PCDHA2: variants seen among roughly 807,000 people sequenced by gnomAD.
The protein encoded by PCDHA2 is protocadherin alpha-2.
A neutral mutation model predicts 66.0 loss-of-function variants in PCDHA2; 58 were observed. That is an observed-to-expected ratio of 0.88 (90% CI 0.71 to 1.09). The LOEUF (loss-of-function observed/expected upper bound fraction) is 1.09, where lower values mean the gene tolerates loss of function less well. Ranked by LOEUF, PCDHA2 falls within the 50% of genes least tolerant of loss-of-function variation. The pLI is 0.00. For synonymous variants in PCDHA2, 634 were observed against 554.0 expected (o/e 1.14, Z -2.03); for missense variants, 1,267 against 1,242.3 (o/e 1.02, Z -0.30).
intron 1 of PCDHA2, chr5:140,847,877 C>T (rs1305831915): frequency 6.7e-6 from 1 of 149,752 alleles, no homozygotes; most frequent in African/African-American, 2.4e-5. Flanking sequence ...CCAGACATGA[C>T]TAAGTTTCTT....
intron 1 of PCDHA2, chr5:140,803,527 C>T: frequency 6.2e-7 from 1 of 1,614,232 alleles, no homozygotes; most frequent in Non-Finnish European, 8.5e-7. Context: ...CCTAGCCTTC[C>T]TCCTTGTCCA....
Position 140,876,332 on chromosome 5 carries a change from T to C in PCDHA2, c.2388+78980T>C. On this transcript the variant is annotated intron_variant, in intron 1 of 3. Coordinates refer to ENST00000526136, the MANE Select transcript of PCDHA2 (RefSeq NM_018905.3). ...TATGGGATCAAAATGATTTTGCCAGTGAGTGAGAAATGTATGTTTTCAATA... is the reference window on the plus strand; with the variant it reads ...TATGGGATCAAAATGATTTTGCCAGCGAGTGAGAAATGTATGTTTTCAATA... 6.2e-7 allele frequency: 1 copy of C among 1,613,990 alleles called. No homozygotes were observed. Among genetic ancestry groups the C allele is most frequent in the Non-Finnish European group, 8.5e-7 (1 of 1,179,896 alleles).
chr5:140,988,622 ATGTCCTGGTTTTC>A (rs2097306090), intron 3 of PCDHA2, among the ~76,000 whole-genome samples: 1 of 152,124 alleles, frequency 6.6e-6, no homozygotes, highest in Non-Finnish European at 1.5e-5. Context: ...TAGAATGGAG[ATGTCCTGGTTTTC>A]TGAAATTAAA....
intron 1 of PCDHA2, chr5:140,857,268 T>C (rs1554149751): frequency 3.1e-6 from 5 of 1,598,704 alleles, no homozygotes; most frequent in Non-Finnish European, 3.4e-6. Flanking sequence ...TACTCATTGG[T>C]GCTGGACAGC....
intron 1 of PCDHA2, among the ~76,000 whole-genome samples, chr5:140,806,294 A>G (rs782082165): frequency 1.1e-4 from 16 of 152,232 alleles, no homozygotes; most frequent in Non-Finnish European, 2.2e-4. Context: ...TATAAGCACT[A>G]TAGGAGAAAA....
chr5:140,823,838 C>T (rs1767894388), intron 1 of PCDHA2: 2 of 1,613,824 alleles, frequency 1.2e-6, no homozygotes, highest in Middle Eastern at 1.7e-4. Flanking sequence ...GCTGTGGGTC[C>T]CGAGGCTGCC....
intron 1 of PCDHA2, among the ~76,000 whole-genome samples, chr5:140,938,344 G>A (rs569264531): frequency 6.6e-6 from 1 of 152,264 alleles, no homozygotes; most frequent in Non-Finnish European, 1.5e-5. Context: ...GGATAATCTT[G>A]TCTTATTCCT....
chr5:140,798,844 C>A (rs1452217854), intron 1 of PCDHA2, among the ~76,000 whole-genome samples: 1 of 152,178 alleles, frequency 6.6e-6, no homozygotes, highest in South Asian at 2.1e-4. Flanking sequence ...AATAAAATAA[C>A]TGTCTTAAAC....
At chr5:140,877,813 GAA>G in intron 1 of PCDHA2, 1 of 1,610,266 alleles carries the variant, frequency 6.2e-7, no homozygotes, top group Non-Finnish European at 8.5e-7. Flanking sequence ...GCTGTCTCGA[GAA>G]GATTGTTTAA....
At chr5:140,836,622 A>G in intron 1 of PCDHA2, 1 of 1,613,448 alleles carries the variant, frequency 6.2e-7, no homozygotes, top group Non-Finnish European at 8.5e-7. Flanking sequence ...CGCGGTGGGG[A>G]GCTGGTCATT....
intron 1 of PCDHA2, chr5:140,882,819 A>G: frequency 6.2e-7 from 1 of 1,614,244 alleles, no homozygotes; most frequent in Non-Finnish European, 8.5e-7. Flanking sequence ...GACGCACAAA[A>G]CAGTCTTGAG....
chr5:140,841,513 C>G (rs2150316967), intron 1 of PCDHA2: 142,793 of 1,613,040 alleles, frequency 0.089, 1,768 homozygotes, highest in Non-Finnish European at 0.097. Flanking sequence ...CGCGCCTGTT[C>G]CGGGTGGCGT....
At chr5:140,840,727 A>G (rs1199707180) in intron 1 of PCDHA2, among the ~76,000 whole-genome samples, 1 of 152,100 alleles carries the variant, frequency 6.6e-6, no homozygotes, top group Admixed American at 6.5e-5. Flanking sequence ...AATAAAGAAA[A>G]GCAAAAATTT....
chr5:140,852,838 C>T lies in PCDHA2; in HGVS notation c.2388+55486C>T, dbSNP rs2042489635. 6 of 968,840 alleles carry T rather than the reference C, an allele frequency of 6.2e-6. 1 individual carries two copies. The Admixed American group carries it at 2.5e-4, about 41-fold the overall frequency. The allele number at this position is 968,840 out of a possible 1,614,324, so 60.0% of individuals were successfully genotyped here. A position where few individuals can be genotyped will look rare whatever the true frequency, so the allele number is the denominator to read the frequency against. Reference sequence around the variant, plus strand: ...CCTAAGTCCTCCAGTCTCCTTAGAGCTAGTACTTACTAAGCATTTACTATG... The same window carrying T: ...CCTAAGTCCTCCAGTCTCCTTAGAGTTAGTACTTACTAAGCATTTACTATG... On this transcript the variant is annotated intron_variant, in intron 1 of 3. Coordinates refer to ENST00000526136, the MANE Select transcript of PCDHA2 (RefSeq NM_018905.3).
intron 1 of PCDHA2, chr5:140,809,128 A>G (rs1554125019): frequency 3.1e-6 from 5 of 1,613,956 alleles, no homozygotes; most frequent in Middle Eastern, 1.6e-4. Context: ...GCCACCGCCT[A>G]CTGGTACTGG....
intron 1 of PCDHA2, chr5:140,807,130 G>A: frequency 6.4e-7 from 1 of 1,557,158 alleles, no homozygotes; most frequent in South Asian, 1.2e-5. Flanking sequence ...CCGATTAAAA[G>A]ATTTCCCTTG....
At chr5:140,946,575 G>A (rs1554217641) in intron 1 of PCDHA2, among the ~76,000 whole-genome samples, 3 of 140,788 alleles carry the variant, frequency 2.1e-5, no homozygotes, top group Non-Finnish European at 4.6e-5. Flanking sequence ...ATCAACTTAG[G>A]TGTTCATAGT....
Position 140,956,847 on chromosome 5 carries a change from T to G in PCDHA2, c.2389-22102T>G, listed in dbSNP as rs138847680. Among the ~76,000 whole-genome samples the G allele has an allele frequency of 1.6e-4, 24 of 152,262 alleles. 1 individual carries two copies. The East Asian group carries it at 4.6e-3, about 29-fold the overall frequency. ...AATTTAATATTTTTAAATCTTGGGT[T>G]AAATGGTTGAATGAATGTGTGAAAA... On this transcript the variant is annotated intron_variant, in intron 1 of 3. Transcript: ENST00000526136.
intron 1 of PCDHA2, chr5:140,803,006 C>T: frequency 6.2e-7 from 1 of 1,614,028 alleles, no homozygotes; most frequent in Non-Finnish European, 8.5e-7. Flanking sequence ...ACTCAGGCTA[C>T]AACGCGTGGC....
Sources: allele counts gnomAD v4.1 joint callset (sites outside exome capture counted in the v4.1 genomes callset), GRCh38; gene constraint gnomAD v4.1.1; transcripts MANE v1.5; gene names NCBI Gene and HGNC (gene_info 2026-07-23, HGNC 2026-07-21).